The following GPAT3 variants were observed in gnomAD, a reference collection of about 807,000 sequenced individuals.
The protein encoded by GPAT3 is 1-AGP acyltransferase 9.
A neutral mutation model predicts 58.8 loss-of-function variants in GPAT3; 53 were observed. The ratio of observed to expected loss-of-function variants is 0.90; its 90% CI spans 0.72 to 1.13. The LOEUF (loss-of-function observed/expected upper bound fraction) is 1.13. Among genes scored for constraint, GPAT3 ranks in the 50% most tolerant of loss-of-function variants. GPAT3 has a pLI of 0.00. For synonymous variants in GPAT3, 197 were observed against 187.4 expected, an observed-to-expected ratio of 1.05 and a Z score of -0.42; for missense variants, 511 against 527.6, an observed-to-expected ratio of 0.97 and a Z score of 0.31.
At chr4:83,577,979 T>G (rs1273054234) in intron 2 of GPAT3, among the ~76,000 whole-genome samples, 1 of 152,000 alleles carries the variant, frequency 6.6e-6, no homozygotes, top group Non-Finnish European at 1.5e-5. Flanking sequence ...TTTTGTATTT[T>G]TAGTAGAGAC....
In GPAT3 at chr4:83,588,308, C is replaced by T; in HGVS notation, c.644+9C>T. 5 of 1,459,890 alleles carry T rather than the reference C, an allele frequency of 3.4e-6. No homozygotes were observed. The highest frequency in any genetic ancestry group is 4.5e-6 in the Non-Finnish European group (5 of 1,110,260). The allele number at this position is 1,459,890 out of a possible 1,614,324, so 90.4% of individuals were successfully genotyped here. ...ATTCATTATCATAACAAGTGAGTATCTGCTCCAATGTGCCTGTCTTTTTCT... is the reference window on the plus strand; with the variant it reads ...ATTCATTATCATAACAAGTGAGTATTTGCTCCAATGTGCCTGTCTTTTTCT... On this transcript the variant is annotated intron_variant, in intron 5 of 11. Coordinates refer to ENST00000264409, the MANE Select transcript of GPAT3 (RefSeq NM_032717.5).
At chr4:83,544,987 A>T (rs1236014670) in intron 2 of GPAT3, among the ~76,000 whole-genome samples, 1 of 152,214 alleles carries the variant, frequency 6.6e-6, no homozygotes, top group African/African-American at 2.4e-5. Flanking sequence ...TTCTCAAAGT[A>T]TGTTCCTCAA....
chr4:83,562,211 T>A (rs1268191530), intron 2 of GPAT3, among the ~76,000 whole-genome samples: 85 of 72,948 alleles, frequency 1.2e-3, no homozygotes, highest in African/African-American at 2.8e-3. Context: ...TATATATATA[T>A]TATATATATA....
At position 83,536,210 on chromosome 4, in the gene GPAT3, A is replaced by G. The variant is rs1012586871; in HGVS notation, c.-413A>G. ...ACCTGGCTCGGGGAGGGCCTCCGTG[A>G]GTCATCTGCTGAGTTGTCGCAATCG... On this transcript the variant is annotated 5_prime_UTR_variant, in exon 1 of 12. Coordinates refer to ENST00000264409, the MANE Select transcript of GPAT3 (RefSeq NM_032717.5). The G allele has an allele frequency of 1.2e-5, 12 of 989,326 alleles. No homozygotes were observed. Among genetic ancestry groups the G allele is most frequent in the Non-Finnish European group, 1.4e-5 (12 of 832,820 alleles). The allele number at this position is 989,326 out of a possible 1,614,324, so 61.3% of individuals were successfully genotyped here.
At chr4:83,567,012 C>T (rs1725421533) in intron 2 of GPAT3, among the ~76,000 whole-genome samples, 2 of 152,140 alleles carry the variant, frequency 1.3e-5, no homozygotes, top group Non-Finnish European at 2.9e-5. Context: ...ATTAAGAATT[C>T]TCATACTGTA....
intron 2 of GPAT3, among the ~76,000 whole-genome samples, chr4:83,548,230 AG>A (rs1392697352): frequency 6.6e-6 from 1 of 152,184 alleles, no homozygotes; most frequent in African/African-American, 2.4e-5. Context: ...TGGTTGCTCC[AG>A]CCATAGGACA....
intron 2 of GPAT3, among the ~76,000 whole-genome samples, chr4:83,560,415 TG>T (rs1276769947): frequency 6.6e-6 from 1 of 150,834 alleles, no homozygotes; most frequent in Non-Finnish European, 1.5e-5. Flanking sequence ...TATTTTTGTT[TG>T]AATTTTTTTT....
intron 2 of GPAT3, among the ~76,000 whole-genome samples, chr4:83,576,417 TTTA>T (rs1725817313): frequency 1.5e-5 from 2 of 133,616 alleles, no homozygotes; most frequent in African/African-American, 5.8e-5. Context: ...TATCATTTTA[TTTA>T]TTTATTTATT....
chr4:83,576,472 C>T (rs1187649925), intron 2 of GPAT3, among the ~76,000 whole-genome samples: 1 of 150,530 alleles, frequency 6.6e-6, no homozygotes, highest in Non-Finnish European at 1.5e-5. Context: ...GAGACAGAGT[C>T]CCACTCTGTC....
intron 2 of GPAT3, among the ~76,000 whole-genome samples, chr4:83,553,066 C>G (rs1333109493): frequency 2.6e-5 from 4 of 152,168 alleles, no homozygotes; most frequent in Non-Finnish European, 4.4e-5. Flanking sequence ...TGTAAGCTAC[C>G]CAGGCTATGG....
intron 2 of GPAT3, among the ~76,000 whole-genome samples, chr4:83,571,865 C>A (rs373268754): frequency 6.6e-6 from 1 of 151,830 alleles, no homozygotes; most frequent in Admixed American, 6.6e-5. Flanking sequence ...CTCTGCCTCC[C>A]GGGTTCAAGC....
chr4:83,539,516 A>G (rs541048110), intron 1 of GPAT3, among the ~76,000 whole-genome samples: 74 of 152,322 alleles, frequency 4.9e-4, no homozygotes, highest in African/African-American at 1.7e-3. Flanking sequence ...AGAAGTTGAA[A>G]TGTGTGTAGG....
intron 2 of GPAT3, among the ~76,000 whole-genome samples, chr4:83,547,890 T>C (rs1211808333): frequency 2.7e-5 from 4 of 150,038 alleles, no homozygotes; most frequent in Non-Finnish European, 5.9e-5. Context: ...TCTGGCTGTA[T>C]TGTGCCAAAT....
At chr4:83,597,925 C>G in intron 9 of GPAT3, 126 bp from the exon 10 acceptor site, 1 of 1,104,572 alleles carries the variant, frequency 9.1e-7, no homozygotes. Context: ...TAAATTCCAT[C>G]AAGTGAAATA....
chr4:83,535,751 G>A, upstream of GPAT3: 1 of 985,408 alleles, frequency 1.0e-6, no homozygotes, highest in South Asian at 4.7e-5. Flanking sequence ...AAGGAGGTGT[G>A]GAAGCCAGAA....
intron 2 of GPAT3, among the ~76,000 whole-genome samples, chr4:83,562,251 A>ATATATATAATAT (rs1725203802): frequency 8.8e-6 from 1 of 113,182 alleles, no homozygotes; most frequent in Non-Finnish European, 1.8e-5. Flanking sequence ...ATATATATAA[A>ATATATATAATAT]ATATAGTTTG....
intron 11 of GPAT3, among the ~76,000 whole-genome samples, chr4:83,603,435 C>T (rs867669462): frequency 3.1e-4 from 47 of 152,108 alleles, no homozygotes; most frequent in African/African-American, 1.0e-3. Context: ...TTATTTTATT[C>T]GGAATCTGTT....
chr4:83,567,929 T>G (rs530139058), intron 2 of GPAT3, among the ~76,000 whole-genome samples: 18 of 151,770 alleles, frequency 1.2e-4, no homozygotes, highest in Non-Finnish European at 2.1e-4. Context: ...TTTGAGCAAC[T>G]TTTTTTTTAA....
intron 3 of GPAT3, among the ~76,000 whole-genome samples, chr4:83,587,022 C>G (rs967273411): frequency 1.3e-5 from 2 of 152,204 alleles, no homozygotes; most frequent in Non-Finnish European, 2.9e-5. Context: ...CAGATGGCAT[C>G]ATATTCTGTA....
Sources: gnomAD v4.1 joint callset for allele counts (sites outside exome capture counted in the v4.1 genomes callset) on GRCh38, gnomAD v4.1.1 for gene constraint, MANE v1.5 for transcripts, NCBI Gene and HGNC (gene_info 2026-07-23, HGNC 2026-07-21) for gene names.